Variants in MX1 observed in about 807,000 individuals in gnomAD.
MX1 encodes the protein MX dynamin like GTPase 1, also known as interferon-induced GTP-binding protein Mx1.
MX1 carries 66 observed loss-of-function variants against 66.4 expected under a neutral mutation model. That is an observed-to-expected ratio of 0.99 (90% confidence interval 0.82 to 1.22). The LOEUF is 1.22. MX1 is among the 50% of genes most tolerant of loss of function. The pLI is 0.00. For synonymous variants in MX1, 311 were observed against 318.1 expected (o/e 0.98, Z 0.24); for missense variants, 787 against 834.3 (o/e 0.94, Z 0.70).
At chr21:41,451,078 C>G (rs574393691) in intron 14 of MX1, 89 bp from the exon 15 acceptor site, 1 of 873,034 alleles carries the variant, frequency 1.1e-6, no homozygotes, top group East Asian at 2.5e-5. Flanking sequence ...AACTTTACTT[C>G]ATACCATTTG....
intron 5 of MX1, among the ~76,000 whole-genome samples, chr21:41,433,205 A>G (rs931107353): frequency 2.0e-5 from 3 of 152,214 alleles, no homozygotes; most frequent in African/African-American, 7.2e-5. Flanking sequence ...CTGAAATGCA[A>G]ATGACCAGCC....
At chr21:41,443,557 A>G (rs991598766) in intron 10 of MX1, 1 of 551,212 alleles carries the variant, frequency 1.8e-6, no homozygotes, top group South Asian at 2.1e-5. Flanking sequence ...CACATTTATT[A>G]TATCAGCTGG....
intron 16 of MX1, among the ~76,000 whole-genome samples, chr21:41,457,297 G>A (rs1270758064): frequency 2.0e-5 from 3 of 152,154 alleles, no homozygotes; most frequent in Non-Finnish European, 2.9e-5. Flanking sequence ...GTCTATGGTG[G>A]TTTTAGACTA....
At chr21:41,446,628 TG>T (rs1169304521) in intron 13 of MX1, among the ~76,000 whole-genome samples, 1 of 148,816 alleles carries the variant, frequency 6.7e-6, no homozygotes, top group Admixed American at 6.7e-5. Context: ...TGGAAAAAAA[TG>T]GTGCTGATTT....
chr21:41,444,473 C>T (rs964057300), intron 11 of MX1, among the ~76,000 whole-genome samples: 4 of 151,566 alleles, frequency 2.6e-5, no homozygotes, highest in African/African-American at 9.7e-5. Flanking sequence ...ATTACAGGTG[C>T]CCACCACCAT....
chr21:41,448,248 C>G (rs1272483409), intron 13 of MX1, among the ~76,000 whole-genome samples: 1 of 152,196 alleles, frequency 6.6e-6, no homozygotes, highest in Non-Finnish European at 1.5e-5. Flanking sequence ...AATGCAGCAT[C>G]TTACACAGTG....
At chr21:41,421,867 GACAGGT>G (rs1237095674), upstream of MX1, 1 of 119,860 alleles carries the variant, frequency 8.3e-6, no homozygotes, top group Non-Finnish European at 1.8e-5. Context: ...CCTGGAGCAG[GACAGGT>G]TGCAAAAGAA....
chr21:41,432,271 G>T, intron 5 of MX1, 96 bp downstream of exon 5: 1 of 1,097,824 alleles, frequency 9.1e-7, no homozygotes, highest in Non-Finnish European at 1.4e-6. Context: ...GCCCAGATAT[G>T]CCTGCTCTCT....
intron 8 of MX1, among the ~76,000 whole-genome samples, chr21:41,440,428 G>A (rs187976734): frequency 2.5e-4 from 38 of 152,318 alleles, no homozygotes; most frequent in African/African-American, 8.7e-4. Flanking sequence ...GTGATGAGCC[G>A]TGATTGTGCC....
intron 6 of MX1, 143 bp from the exon 7 acceptor site, chr21:41,436,872 A>G: frequency 4.2e-6 from 4 of 949,708 alleles, no homozygotes; most frequent in Middle Eastern, 3.4e-4. Flanking sequence ...ATGTCCCCGC[A>G]TATCAGAGGG....
chr21:41,425,250 G>T (rs1468693526), upstream of MX1, among the ~76,000 whole-genome samples: 4 of 152,226 alleles, frequency 2.6e-5, no homozygotes, highest in Non-Finnish European at 5.9e-5. Context: ...AAGGGAGATA[G>T]GGGTGGGGCC....
chr21:41,440,376 C>T (rs2090473021), intron 8 of MX1, among the ~76,000 whole-genome samples: 1 of 151,750 alleles, frequency 6.6e-6, no homozygotes, highest in African/African-American at 2.4e-5. Context: ...TGGTGGCGTG[C>T]ACCTGTCAGC....
intron 15 of MX1, among the ~76,000 whole-genome samples, chr21:41,451,672 A>G (rs900838638): frequency 1.4e-5 from 2 of 145,574 alleles, no homozygotes; most frequent in Non-Finnish European, 3.0e-5. Context: ...CATCTCTACT[A>G]AAAATACAAA....
chr21:41,458,993 G>C lies in MX1; in HGVS notation c.*235G>C, dbSNP rs138191536. The C allele has an allele frequency of 1.5e-6, 1 of 684,030 alleles. No individual in the cohort carries two copies. 42.4% of individuals were successfully genotyped at this position (684,030 alleles called of 1,614,324 possible). A position where few individuals can be genotyped will look rare whatever the true frequency, so the allele number is the denominator to read the frequency against. ...GGCGGGATTGAAGGATGCTGTCTTCGTACTGGGAAAGGGATTTTCAGCCCT... is the reference window on the plus strand; with the variant it reads ...GGCGGGATTGAAGGATGCTGTCTTCCTACTGGGAAAGGGATTTTCAGCCCT... On this transcript the variant is annotated 3_prime_UTR_variant, in exon 17 of 17. Coordinates refer to ENST00000398598, the MANE Select transcript of MX1 (RefSeq NM_002462.5).
At position 41,458,043 on chromosome 21, in the gene MX1, G is replaced by A. The variant is rs372686207; in HGVS notation, c.1759-485G>A. 5.3e-5 allele frequency among the ~76,000 whole-genome samples: 8 copies of A among 152,148 alleles called. No individual in the cohort carries two copies. In the East Asian group the frequency reaches 5.8e-4, roughly 11 times the overall value. ...TTATGAGACAGAGTCTTGCTCTGTC[G>A]CCCAGCCTGGAGTACAATGGCGCGA... On this transcript the variant is annotated intron_variant, in intron 16 of 16. Coordinates refer to ENST00000398598, the MANE Select transcript of MX1 (RefSeq NM_002462.5).
In MX1 at chr21:41,452,869, G is replaced by C. The variant is rs745415217; in HGVS notation, c.1758G>C (p.Gln586His). 3 of 1,613,904 alleles carry C rather than the reference G, an allele frequency of 1.9e-6. No individual in the cohort carries two copies. The highest frequency in any genetic ancestry group is 2.5e-6 in the Non-Finnish European group (3 of 1,179,904). The change falls in exon 16 of 17, where the codon CAG becomes CAC. Residue 586 changes from glutamine (Q) to histidine (H), a missense_variant and splice_region_variant. Gln to His is a conservative substitution (Grantham distance 24). Transcript: ENST00000398598. ...EIFQHLMAYH[Q>H]EASKRISSHI... The stretch of plus-strand genomic sequence containing the variant: ...TTCAGCACCTGATGGCCTATCACCA[G>C]GTACGTCTTCGCGTGGTTCAGGATG...
Position 41,443,013 on chromosome 21 carries a change from G to GT in MX1, c.930-773dup, listed in dbSNP as rs146569587. 5.9e-5 allele frequency among the ~76,000 whole-genome samples: 9 copies of GT among 152,338 alleles called. No individual in the cohort carries two copies. The East Asian group carries it at 1.7e-3, about 29-fold the overall frequency. Reference sequence around the variant, plus strand: ...TTGTTTCAGTTTGGGAATATGAAAAGTTCTGAAGACAGACAGTGGTGATGG... The same window carrying GT: ...TTGTTTCAGTTTGGGAATATGAAAAGTTTCTGAAGACAGACAGTGGTGATGG... On this transcript the variant is annotated intron_variant, in intron 10 of 16. Transcript: ENST00000398598.
chr21:41,445,669 G>T, intron 12 of MX1, 99 bp downstream of exon 12: 1 of 1,519,410 alleles, frequency 6.6e-7, no homozygotes, highest in East Asian at 2.3e-5. Context: ...CCCCAAGGCT[G>T]ATCCAAAGAC....
chr21:41,424,226 AGTGTGTGT>A (rs3037030), upstream of MX1, among the ~76,000 whole-genome samples: 6,189 of 146,294 alleles, frequency 0.042, 176 homozygotes, highest in Non-Finnish European at 0.059. Flanking sequence ...AGAGGGGTTG[AGTGTGTGT>A]GTGTGTGTGT....
Sources: allele counts gnomAD v4.1 joint callset (sites outside exome capture counted in the v4.1 genomes callset), GRCh38; gene constraint gnomAD v4.1.1; transcripts MANE v1.5; gene names NCBI Gene and HGNC (gene_info 2026-07-23, HGNC 2026-07-21).